CACNB2: variants seen among roughly 807,000 people sequenced by gnomAD.
The protein encoded by CACNB2 is voltage-dependent L-type calcium channel subunit beta-2.
Under a neutral mutation model 73.3 loss-of-function variants are expected in CACNB2, and 42 were observed. The ratio of observed to expected loss-of-function variants is 0.57; its 90% CI spans 0.45 to 0.74. The LOEUF (loss-of-function observed/expected upper bound fraction) is 0.74, where lower values mean the gene tolerates loss of function less well. Among genes scored for constraint, CACNB2 ranks in the 30% least tolerant of loss-of-function variants. CACNB2 has a pLI of 0.00. For synonymous variants in CACNB2, 348 were observed against 310.3 expected (o/e 1.12, Z -1.28); for missense variants, 940 against 853.0 (o/e 1.10, Z -1.27).
At position 18,502,406 on chromosome 10, in the gene CACNB2, G is replaced by A. The variant is rs914219303; in HGVS notation, c.593+1458G>A. On this transcript the variant is annotated intron_variant, in intron 5 of 13. Coordinates refer to ENST00000324631, the MANE Select transcript of CACNB2 (RefSeq NM_201596.3). The stretch of plus-strand genomic sequence containing the variant: ...AACACAGGAATAGAAAACCAAATAC[G>A]GGGGCCACGTGCGGTGGCTCACACC... Among the ~76,000 whole-genome samples, 3 of 151,204 alleles carry A rather than the reference G, an allele frequency of 2.0e-5. No homozygotes were observed. The East Asian group carries it at 5.9e-4, about 30-fold the overall frequency.
chr10:18,248,475 G>C lies in CACNB2; in HGVS notation c.213+97500G>C, dbSNP rs17681655. Among the ~76,000 whole-genome samples, 239 of 152,086 alleles carry C rather than the reference G, an allele frequency of 1.6e-3. 3 individuals carry two copies. Among genetic ancestry groups the C allele is most frequent in the Non-Finnish European group, 2.6e-3 (177 of 67,974 alleles). On this transcript the variant is annotated intron_variant, in intron 2 of 13. Coordinates refer to ENST00000324631, the MANE Select transcript of CACNB2 (RefSeq NM_201596.3). Reference sequence around the variant, plus strand: ...CTATTTCTGATCTTAAATTTGAGAAGAACTTTTTCTGTTGTATCTGTCATT... The same window carrying C: ...CTATTTCTGATCTTAAATTTGAGAACAACTTTTTCTGTTGTATCTGTCATT...
chr10:18,427,540 G>A (rs1031436595), intron 3 of CACNB2, among the ~76,000 whole-genome samples: 1 of 152,146 alleles, frequency 6.6e-6, no homozygotes, highest in Non-Finnish European at 1.5e-5. Flanking sequence ...CTTGGGAAGA[G>A]TTTGTTATGT....
rs755159209 is a variant in CACNB2 at position 18,289,317 on chromosome 10, T to TG, written c.214-112603dup. ...GTTTTGTTTTTTTTTTTTTTTGAGA[T>TG]GGGGTCTCACTCTGTTGCCCAGGCT... On this transcript the variant is annotated intron_variant, in intron 2 of 13. Transcript: ENST00000324631. Among the ~76,000 whole-genome samples the TG allele has an allele frequency of 1.2e-3, 155 of 130,784 alleles. 1 individual carries two copies. Among genetic ancestry groups the TG allele is most frequent in the Admixed American group, 2.4e-3 (27 of 11,372 alleles). The allele number at this position is 130,784 out of a possible 152,430, so 85.8% of individuals were successfully genotyped here.
intron 2 of CACNB2, among the ~76,000 whole-genome samples, chr10:18,359,658 G>A (rs1349732434): frequency 6.6e-6 from 1 of 151,664 alleles, no homozygotes; most frequent in South Asian, 2.1e-4. Context: ...GAACATGCAG[G>A]TTTGTTGCAT....
chr10:18,261,620 T>C lies in CACNB2; in HGVS notation c.213+110645T>C, dbSNP rs919343146. On this transcript the variant is annotated intron_variant, in intron 2 of 13. Transcript: ENST00000324631. ...CAGAGATCTGCCTCATTCAAACCAG[T>C]TGATACTCTCTTTTACCTAGAGTAG... Among the ~76,000 whole-genome samples the C allele has an allele frequency of 5.9e-5, 9 of 152,364 alleles. No individual in the cohort carries two copies. In the East Asian group the frequency reaches 1.7e-3, roughly 29 times the overall value.
chr10:18,345,473 T>G (rs897691638), intron 2 of CACNB2, among the ~76,000 whole-genome samples: 1 of 152,220 alleles, frequency 6.6e-6, no homozygotes, highest in Non-Finnish European at 1.5e-5. Context: ...TTTAGATTAA[T>G]AAGTTACTTT....
At chr10:18,517,122 A>G (rs1450545241) in intron 7 of CACNB2, among the ~76,000 whole-genome samples, 2 of 152,220 alleles carry the variant, frequency 1.3e-5, no homozygotes, top group East Asian at 1.9e-4. Context: ...AATGACATTC[A>G]TATCTGCACA....
At chr10:18,179,220 T>C (rs1443092488) in intron 2 of CACNB2, among the ~76,000 whole-genome samples, 1 of 152,176 alleles carries the variant, frequency 6.6e-6, no homozygotes, top group Non-Finnish European at 1.5e-5. Flanking sequence ...AGTAAACATA[T>C]ATGAGGAAGT....
intron 3 of CACNB2, among the ~76,000 whole-genome samples, chr10:18,440,998 C>CTGAT (rs1348996679): frequency 6.6e-6 from 1 of 152,208 alleles, no homozygotes; most frequent in African/African-American, 2.4e-5. Flanking sequence ...AAGAAAAACA[C>CTGAT]TGATTGCTTT....
chr10:18,539,410 T>C lies in CACNB2; in HGVS notation c.1669T>C (p.Ser557Pro). ...RGLSRQETFD[S>P]ETQESRDSAY... ...CCTCTCCAGGCAAGAGACATTTGAC[T>C]CGGAAACCCAGGAGAGTCGAGACTC... The change falls in exon 14 of 14, where the codon TCG (serine) becomes CCG (proline). Residue 557 changes from serine (S) to proline (P), a missense_variant. By Grantham distance (74) the Ser-to-Pro change is moderately conservative. Transcript: ENST00000324631. The C allele has an allele frequency of 6.2e-7, 1 of 1,613,890 alleles. No individual in the cohort carries two copies.
chr10:18,465,088 G>A (rs188026743), intron 3 of CACNB2, among the ~76,000 whole-genome samples: 3 of 152,314 alleles, frequency 2.0e-5, no homozygotes, highest in Admixed American at 2.0e-4. Context: ...CCAGCACTTT[G>A]GGAGGCCGAG....
At chr10:18,453,144 C>T (rs1464708196) in intron 3 of CACNB2, among the ~76,000 whole-genome samples, 1 of 152,154 alleles carries the variant, frequency 6.6e-6, no homozygotes, top group Non-Finnish European at 1.5e-5. Context: ...AATATTAGAA[C>T]AGCCTTTTGA....
At chr10:18,492,771 G>A (rs965714372) in intron 3 of CACNB2, among the ~76,000 whole-genome samples, 3 of 152,120 alleles carry the variant, frequency 2.0e-5, no homozygotes, top group Non-Finnish European at 4.4e-5. Context: ...AGTTTGTGTC[G>A]TGCATGTGGC....
At chr10:18,186,799 A>G (rs1461496393) in intron 2 of CACNB2, among the ~76,000 whole-genome samples, 3 of 152,224 alleles carry the variant, frequency 2.0e-5, no homozygotes, top group Non-Finnish European at 2.9e-5. Flanking sequence ...TTACAATTCA[A>G]CATGAGATTT....
chr10:18,374,964 C>T (rs2042734668), intron 2 of CACNB2, among the ~76,000 whole-genome samples: 1 of 152,130 alleles, frequency 6.6e-6, no homozygotes, highest in African/African-American at 2.4e-5. Flanking sequence ...AGCCTGTGTC[C>T]CTAAGATTTA....
intron 2 of CACNB2, chr10:18,260,539 C>T (rs1303824810): frequency 2.0e-6 from 2 of 985,522 alleles, no homozygotes; most frequent in African/African-American, 1.7e-5. Flanking sequence ...TGTGAAATAC[C>T]TACTGCAGGA....
intron 2 of CACNB2, among the ~76,000 whole-genome samples, chr10:18,346,085 C>T (rs1177319000): frequency 1.3e-5 from 2 of 152,148 alleles, no homozygotes; most frequent in Non-Finnish European, 2.9e-5. Context: ...AGGGCTCCCC[C>T]TCCAGTGGCC....
At chr10:18,407,270 C>T (rs572310058) in intron 3 of CACNB2, among the ~76,000 whole-genome samples, 1 of 151,234 alleles carries the variant, frequency 6.6e-6, no homozygotes, top group African/African-American at 2.4e-5. Flanking sequence ...TACAGGCACG[C>T]ACCACCACAC....
intron 2 of CACNB2, among the ~76,000 whole-genome samples, chr10:18,288,253 T>C (rs1056174200): frequency 1.8e-4 from 27 of 152,186 alleles, no homozygotes; most frequent in African/African-American, 5.8e-4. Flanking sequence ...CATCAGAACA[T>C]TGTAATTCAA....
Sources: allele counts gnomAD v4.1 joint callset (sites outside exome capture counted in the v4.1 genomes callset), GRCh38; gene constraint gnomAD v4.1.1; transcripts MANE v1.5; gene names NCBI Gene and HGNC (gene_info 2026-07-23, HGNC 2026-07-21).